SRFBP1: variants seen among roughly 807,000 people sequenced by gnomAD.
SRFBP1 encodes serum response factor binding protein 1.
Under a neutral mutation model 45.5 loss-of-function variants are expected in SRFBP1, and 47 were observed. That is an observed-to-expected ratio of 1.03 (90% CI 0.82 to 1.32). The LOEUF (loss-of-function observed/expected upper bound fraction) is 1.32, where lower values mean the gene tolerates loss of function less well. SRFBP1 is among the 40% of genes most tolerant of loss of function. The pLI, the probability that SRFBP1 is intolerant of heterozygous loss-of-function variation, is 0.00. For missense variants in SRFBP1, 621 were observed against 484.6 expected (o/e 1.28, Z -2.64); for synonymous variants, 203 against 166.3 (o/e 1.22, Z -1.70).
intron 4 of SRFBP1, among the ~76,000 whole-genome samples, chr5:122,010,078 T>G (rs1245596298): frequency 1.3e-5 from 2 of 152,178 alleles, no homozygotes; most frequent in African/African-American, 4.8e-5. Context: ...GATTCAGTTG[T>G]GTCACATCAC....
intron 2 of SRFBP1, among the ~76,000 whole-genome samples, chr5:122,046,345 C>T (rs1245133784): frequency 1.3e-5 from 2 of 152,088 alleles, no homozygotes; most frequent in African/African-American, 4.8e-5. Context: ...TGGTTTCTAG[C>T]TTCATCCATG....
At chr5:121,992,275 T>A (rs1336659397) in intron 3 of SRFBP1, among the ~76,000 whole-genome samples, 1 of 152,090 alleles carries the variant, frequency 6.6e-6, no homozygotes. Context: ...CATTCCTTGA[T>A]TCATGGTGTC....
At chr5:121,968,221 C>CATTATT (rs5870986) in intron 1 of SRFBP1, among the ~76,000 whole-genome samples, 5,426 of 144,660 alleles carry the variant, frequency 0.038, 262 homozygotes, top group African/African-American at 0.11. Flanking sequence ...CAAACTCTGT[C>CATTATT]ATTATTATTA....
At chr5:122,074,387 A>T (rs1754553749) in intron 2 of SRFBP1, among the ~76,000 whole-genome samples, 1 of 152,142 alleles carries the variant, frequency 6.6e-6, no homozygotes, top group Non-Finnish European at 1.5e-5. Flanking sequence ...AGGACAAAAG[A>T]CTTAGTTCAG....
At chr5:122,016,262 T>G (rs1753192487) in intron 4 of SRFBP1, among the ~76,000 whole-genome samples, 1 of 152,184 alleles carries the variant, frequency 6.6e-6, no homozygotes, top group Non-Finnish European at 1.5e-5. Context: ...CCTATGCCAT[T>G]CTTATTATTT....
chr5:122,018,169 G>T (rs1036685482), intron 4 of SRFBP1, among the ~76,000 whole-genome samples: 3 of 152,192 alleles, frequency 2.0e-5, no homozygotes, highest in African/African-American at 4.8e-5. Context: ...CTAAGCATCA[G>T]AAAGCAATAA....
downstream of SRFBP1, chr5:122,028,657 A>G (rs1366842382): frequency 2.0e-5 from 3 of 152,040 alleles, no homozygotes; most frequent in Admixed American, 6.6e-5. Flanking sequence ...GGGATTATGC[A>G]GAGAGAAAAT....
At chr5:122,032,890 G>A (rs77032908), downstream of SRFBP1, among the ~76,000 whole-genome samples, 3 of 152,136 alleles carry the variant, frequency 2.0e-5, no homozygotes, top group Admixed American at 2.0e-4. Flanking sequence ...GCCCACTGCA[G>A]TGTATGACAG....
intron 2 of SRFBP1, among the ~76,000 whole-genome samples, chr5:122,055,777 AAC>A (rs1323025632): frequency 6.6e-6 from 1 of 152,198 alleles, no homozygotes; most frequent in Non-Finnish European, 1.5e-5. Flanking sequence ...GGAAATTAAA[AAC>A]ACAATGAGGA....
intron 2 of SRFBP1, among the ~76,000 whole-genome samples, chr5:122,059,168 G>A (rs1424233870): frequency 6.6e-6 from 1 of 152,022 alleles, no homozygotes; most frequent in Non-Finnish European, 1.5e-5. Context: ...TAGGAGATGG[G>A]GCAACAAGGC....
chr5:122,020,925 A>G lies in SRFBP1; in HGVS notation c.1067+123A>G, dbSNP rs1753303783. 4.6e-6 allele frequency: 4 copies of G among 874,998 alleles called. No homozygotes were observed. The East Asian group carries it at 1.2e-4, about 25-fold the overall frequency. 54.2% of individuals were successfully genotyped at this position (874,998 alleles called of 1,614,324 possible). A position where few individuals can be genotyped will look rare whatever the true frequency, so the allele number is the denominator to read the frequency against. The stretch of plus-strand genomic sequence containing the variant: ...TGTACAACCCATCCTGTTTTTAGAC[A>G]TGGCCCTCTCCAAGGTTGTAGTGGG... On this transcript the variant is annotated intron_variant, in intron 6 of 7. Transcript: ENST00000339397.
At chr5:122,055,761 C>A (rs1754067350) in intron 2 of SRFBP1, among the ~76,000 whole-genome samples, 1 of 152,102 alleles carries the variant, frequency 6.6e-6, no homozygotes, top group Non-Finnish European at 1.5e-5. Context: ...TTAATGGCGA[C>A]ATGTTGGAAA....
intron 3 of SRFBP1, among the ~76,000 whole-genome samples, chr5:121,994,319 A>T (rs1303895068): frequency 6.6e-6 from 1 of 151,974 alleles, no homozygotes; most frequent in Non-Finnish European, 1.5e-5. Context: ...CTTTTTAAAT[A>T]ACTGTTCTTT....
At chr5:122,004,526 T>C (rs186404760) in intron 4 of SRFBP1, among the ~76,000 whole-genome samples, 6 of 152,280 alleles carry the variant, frequency 3.9e-5, no homozygotes, top group Non-Finnish European at 7.4e-5. Flanking sequence ...TATTTCCTCT[T>C]TCATTTCTCA....
At chr5:121,974,305 A>C in intron 2 of SRFBP1, 21 bp downstream of exon 2, 1 of 1,534,224 alleles carries the variant, frequency 6.5e-7, no homozygotes, top group Non-Finnish European at 9.0e-7. Flanking sequence ...TAAAGTAATG[A>C]TCTTGTGACT....
chr5:122,066,682 A>T (rs553115860), intron 2 of SRFBP1: 2 of 1,433,994 alleles, frequency 1.4e-6, no homozygotes, highest in Admixed American at 3.6e-5. Flanking sequence ...AAGTTAGTCT[A>T]TTTTTTCCCA....
chr5:122,072,463 T>C (rs1754477556), intron 2 of SRFBP1, among the ~76,000 whole-genome samples: 1 of 152,208 alleles, frequency 6.6e-6, no homozygotes, highest in African/African-American at 2.4e-5. Flanking sequence ...TGTTTTAGTT[T>C]CGTATATATT....
chr5:122,052,411 A>G (rs1422386266), intron 2 of SRFBP1, among the ~76,000 whole-genome samples: 2 of 152,006 alleles, frequency 1.3e-5, no homozygotes. Context: ...TGTCTTTACA[A>G]AATCCTATAT....
At chr5:121,996,783 ATC>A (rs1257872988) in intron 4 of SRFBP1, among the ~76,000 whole-genome samples, 1 of 124,206 alleles carries the variant, frequency 8.1e-6, no homozygotes, top group Non-Finnish European at 1.6e-5. Flanking sequence ...TCAGCCCAAA[ATC>A]TCCTTAAGCT....
Sources: allele counts gnomAD v4.1 joint callset (sites outside exome capture counted in the v4.1 genomes callset), GRCh38; gene constraint gnomAD v4.1.1; transcripts MANE v1.5; gene names NCBI Gene and HGNC (gene_info 2026-07-23, HGNC 2026-07-21).